WDFY4: variants seen among roughly 807,000 people sequenced by gnomAD.
The protein encoded by WDFY4 is WDFY family member 4.
WDFY4 carries 169 observed loss-of-function variants against 351.9 expected under a neutral mutation model. The observed-to-expected ratio is 0.48, with a 90% CI of 0.42 to 0.55. The LOEUF is 0.55. Ranked by LOEUF, WDFY4 falls within the 20% of genes least tolerant of loss-of-function variation. The pLI is 0.00. For synonymous variants in WDFY4, 1,622 were observed against 1,574.6 expected (o/e 1.03, Z -0.71); for missense variants, 3,803 against 3,935.6 (o/e 0.97, Z 0.90).
At chr10:48,755,325 A>G (rs1227351825) in intron 12 of WDFY4, among the ~76,000 whole-genome samples, 1 of 152,146 alleles carries the variant, frequency 6.6e-6, no homozygotes, top group East Asian at 1.9e-4. Context: ...TAGCTTATCT[A>G]TTCATCTTTA....
intron 47 of WDFY4, among the ~76,000 whole-genome samples, chr10:48,918,791 T>C (rs1395540020): frequency 6.6e-6 from 1 of 152,206 alleles, no homozygotes; most frequent in African/African-American, 2.4e-5. Context: ...ACCTGCCTTG[T>C]ACATTGTAGA....
intron 42 of WDFY4, 46 bp from the exon 43 acceptor site, chr10:48,876,987 T>C: frequency 1.4e-6 from 2 of 1,436,628 alleles, no homozygotes; most frequent in Non-Finnish European, 1.8e-6. Context: ...CCTTACCATG[T>C]CAGGTGGCTC....
chr10:48,758,926 G>A (rs1451771843), intron 12 of WDFY4, among the ~76,000 whole-genome samples: 1 of 152,162 alleles, frequency 6.6e-6, no homozygotes, highest in African/African-American at 2.4e-5. Flanking sequence ...GAGATGTTGA[G>A]ACTTCCCTGG....
intron 19 of WDFY4, among the ~76,000 whole-genome samples, chr10:48,785,686 C>T (rs140505075): frequency 1.6e-4 from 25 of 152,116 alleles, no homozygotes; most frequent in African/African-American, 4.3e-4. Context: ...TCTGTTCCAT[C>T]GATCTATGTG....
intron 15 of WDFY4, 127 bp downstream of exon 15, chr10:48,775,933 A>G (rs924075348): frequency 6.3e-5 from 52 of 821,134 alleles, no homozygotes; most frequent in Middle Eastern, 2.6e-4. Context: ...CTGCTGCTCA[A>G]TGCAGCAACT....
chr10:48,861,518 C>T (rs1420084665), intron 39 of WDFY4, among the ~76,000 whole-genome samples: 2 of 152,084 alleles, frequency 1.3e-5, no homozygotes. Flanking sequence ...AATACTGTGC[C>T]ACTTCCTTTT....
intron 1 of WDFY4, among the ~76,000 whole-genome samples, chr10:48,689,694 G>T (rs913343923): frequency 1.4e-4 from 21 of 152,168 alleles, no homozygotes; most frequent in Non-Finnish European, 2.5e-4. Context: ...ATGGCCAGAG[G>T]CTTTCATGGG....
intron 4 of WDFY4, among the ~76,000 whole-genome samples, chr10:48,721,683 T>C (rs1469644391): frequency 6.6e-6 from 1 of 152,146 alleles, no homozygotes; most frequent in East Asian, 1.9e-4. Flanking sequence ...TAACGGCTGA[T>C]GTTTATTGAC....
intron 39 of WDFY4, among the ~76,000 whole-genome samples, chr10:48,858,811 A>AG (rs1303214701): frequency 6.6e-6 from 1 of 152,216 alleles, no homozygotes; most frequent in East Asian, 1.9e-4. Context: ...ACATATTTGT[A>AG]GGTTGAGTCT....
intron 1 of WDFY4, among the ~76,000 whole-genome samples, chr10:48,686,487 G>A (rs556670070): frequency 3.3e-5 from 5 of 152,178 alleles, no homozygotes; most frequent in Non-Finnish European, 4.4e-5. Flanking sequence ...CTCTTCAGAA[G>A]CAGCAACAGT....
At chr10:48,795,383 T>C (rs1175480723) in intron 23 of WDFY4, among the ~76,000 whole-genome samples, 1 of 151,376 alleles carries the variant, frequency 6.6e-6, no homozygotes, top group Non-Finnish European at 1.5e-5. Flanking sequence ...GTTTGACATT[T>C]GACACTGTTT....
chr10:48,917,612 A>C (rs540056345), intron 47 of WDFY4, among the ~76,000 whole-genome samples: 1 of 152,360 alleles, frequency 6.6e-6, no homozygotes, highest in South Asian at 2.1e-4. Flanking sequence ...TGCTGAAAGA[A>C]AAGAACTATC....
At position 48,974,519 on chromosome 10, in the gene WDFY4, A is replaced by AAAAAAAAAACACAAC. The variant is rs1554824239; in HGVS notation, c.8929-334_8929-333insCACAACAAAAAAAAA. The stretch of plus-strand genomic sequence containing the variant: ...CTCCGTCTCAAAAAAAAAAAAAAAA[A>AAAAAAAAAACACAAC]AAAAAAAAAACAACTCATGACATGA... On this transcript the variant is annotated intron_variant, in intron 57 of 61. Coordinates refer to ENST00000325239, the MANE Select transcript of WDFY4 (RefSeq NM_001394531.1). Among the ~76,000 whole-genome samples the AAAAAAAAAACACAAC allele has an allele frequency of 2.0e-4, 10 of 49,970 alleles. 3 individuals carry two copies. In the East Asian group the frequency reaches 7.0e-3, roughly 35 times the overall value. 32.8% of individuals were successfully genotyped at this position (49,970 alleles called of 152,430 possible).
At chr10:48,757,520 T>C (rs74130626) in intron 12 of WDFY4, among the ~76,000 whole-genome samples, 62 of 152,232 alleles carry the variant, frequency 4.1e-4, no homozygotes, top group African/African-American at 1.5e-3. Context: ...TATTTAATGA[T>C]GGCATATAGC....
Position 48,941,858 on chromosome 10 carries a change from C to T in WDFY4, c.7629+10C>T. 1 of 1,551,746 alleles carries T rather than the reference C, an allele frequency of 6.4e-7. No individual in the cohort carries two copies. The highest frequency in any genetic ancestry group is 1.2e-5 in the South Asian group (1 of 84,058). Reference sequence around the variant, plus strand: ...GCTGCAGAAGTGGCAGGTACAGTAGCTCCTCCAGAGGGAAGCCCTCTGGGA... The same window carrying T: ...GCTGCAGAAGTGGCAGGTACAGTAGTTCCTCCAGAGGGAAGCCCTCTGGGA... On this transcript the variant is annotated intron_variant, in intron 48 of 61. Transcript: ENST00000325239.
rs1171779874 is a variant in WDFY4 at position 48,709,940 on chromosome 10, T to C, written c.208T>C (p.Leu70=). ...CCCCATTGAGCGTCAGAAGAGCCTG[T>C]TGAGTCTTCTCCCCCTATTCCTAAA... ...KSPIERQKSL[L]SLLPLFLKAW... is the part of the protein sequence containing the mutation. The change falls in exon 2 of 62, where the codon TTG becomes CTG. Residue 70 remains leucine, a synonymous_variant. Coordinates refer to ENST00000325239, the MANE Select transcript of WDFY4 (RefSeq NM_001394531.1). 1 of 1,552,100 alleles carries C rather than the reference T, an allele frequency of 6.4e-7. No homozygotes were observed. Among genetic ancestry groups the C allele is most frequent in the Non-Finnish European group, 8.7e-7 (1 of 1,147,006 alleles).
intron 9 of WDFY4, among the ~76,000 whole-genome samples, chr10:48,731,815 C>T (rs991699890): frequency 6.6e-6 from 1 of 152,198 alleles, no homozygotes; most frequent in Non-Finnish European, 1.5e-5. Flanking sequence ...TATCTCTTGT[C>T]CTAGACATTG....
Position 48,727,554 on chromosome 10 carries a change from G to T in WDFY4, c.866G>T (p.Ser289Ile), listed in dbSNP as rs1394362511. The T allele has an allele frequency of 6.4e-7, 1 of 1,551,768 alleles. No homozygotes were observed. The highest frequency in any genetic ancestry group is 8.7e-7 in the Non-Finnish European group (1 of 1,147,042). Residue 289 changes from serine (S) to isoleucine (I), a missense_variant, in exon 7 of 62, where the codon AGC (serine) becomes ATC (isoleucine). By Grantham distance (142) the Ser-to-Ile change is moderately radical. Coordinates refer to ENST00000325239, the MANE Select transcript of WDFY4 (RefSeq NM_001394531.1). Reference sequence around the variant, plus strand: ...GCCCCTGAAGTGAGCGAGGCTGTAAGCCTGATCTTGGGATTCGTGAAGGAC... The same window carrying T: ...GCCCCTGAAGTGAGCGAGGCTGTAATCCTGATCTTGGGATTCGTGAAGGAC... ...LPAPEVSEAV[S>I]LILGFVKDSY...
chr10:48,787,605 A>G (rs1565197101), intron 20 of WDFY4, among the ~76,000 whole-genome samples: 1 of 152,206 alleles, frequency 6.6e-6, no homozygotes, highest in South Asian at 2.1e-4. Context: ...TGAAAATTAG[A>G]CATTTCAGAT....
Sources: gnomAD v4.1 joint callset for allele counts (sites outside exome capture counted in the v4.1 genomes callset) on GRCh38, gnomAD v4.1.1 for gene constraint, MANE v1.5 for transcripts, NCBI Gene and HGNC (gene_info 2026-07-23, HGNC 2026-07-21) for gene names.